Variants in NELL1 observed in about 807,000 individuals in gnomAD.
NELL1 encodes neural EGFL like 1, also known as protein kinase C-binding protein NELL1.
Under a neutral mutation model 107.4 loss-of-function variants are expected in NELL1, and 76 were observed. The ratio of observed to expected loss-of-function variants is 0.71; its 90% confidence interval spans 0.59 to 0.86. NELL1 has a LOEUF of 0.86. NELL1 is among the 40% of genes least tolerant of loss of function. The pLI is 0.00. For missense variants in NELL1, 1,024 were observed against 1,005.5 expected, an observed-to-expected ratio of 1.02 and a Z score of -0.25; for synonymous variants, 353 against 341.2, an observed-to-expected ratio of 1.03 and a Z score of -0.38.
At chr11:21,395,087 A>G (rs1391942011) in intron 15 of NELL1, among the ~76,000 whole-genome samples, 1 of 151,580 alleles carries the variant, frequency 6.6e-6, no homozygotes, top group African/African-American at 2.4e-5. Flanking sequence ...GCTAGCATGG[A>G]CAAATTACCT....
At chr11:20,843,636 A>G (rs1848656644) in intron 3 of NELL1, among the ~76,000 whole-genome samples, 1 of 147,430 alleles carries the variant, frequency 6.8e-6, no homozygotes, top group Non-Finnish European at 1.5e-5. Context: ...ATAAAATTTT[A>G]TTATAAATAT....
At chr11:21,519,961 T>C (rs1855676554) in intron 15 of NELL1, among the ~76,000 whole-genome samples, 1 of 152,084 alleles carries the variant, frequency 6.6e-6, no homozygotes, top group Non-Finnish European at 1.5e-5. Context: ...ATTTACCTTC[T>C]TGACAACAAT....
chr11:21,112,022 T>G (rs949534287), intron 12 of NELL1, among the ~76,000 whole-genome samples: 2 of 152,050 alleles, frequency 1.3e-5, no homozygotes, highest in Admixed American at 1.3e-4. Context: ...TTCCATCTCT[T>G]GGATTCCAGT....
At chr11:20,822,284 G>C (rs1226858906) in intron 3 of NELL1, among the ~76,000 whole-genome samples, 6 of 152,188 alleles carry the variant, frequency 3.9e-5, no homozygotes, top group Admixed American at 3.9e-4. Flanking sequence ...GACTCAGAGA[G>C]CACTTGGGTA....
intron 4 of NELL1, among the ~76,000 whole-genome samples, chr11:20,852,663 C>G (rs1348197952): frequency 6.6e-6 from 1 of 152,202 alleles, no homozygotes. Context: ...TCTCAGCTTT[C>G]AAGAGAGCCA....
At chr11:21,420,802 A>C (rs1428281414) in intron 15 of NELL1, among the ~76,000 whole-genome samples, 1 of 152,192 alleles carries the variant, frequency 6.6e-6, no homozygotes, top group Non-Finnish European at 1.5e-5. Context: ...AGTGTAAGAC[A>C]GTCTTCAAAA....
chr11:21,251,013 C>T (rs373525062), intron 14 of NELL1, among the ~76,000 whole-genome samples: 27 of 152,136 alleles, frequency 1.8e-4, no homozygotes, highest in Non-Finnish European at 2.8e-4. Flanking sequence ...TTTGAGTCCT[C>T]GGTTCTGAAT....
chr11:21,351,640 A>G (rs968511090), intron 14 of NELL1, among the ~76,000 whole-genome samples: 3 of 152,032 alleles, frequency 2.0e-5, no homozygotes, highest in Non-Finnish European at 4.4e-5. Flanking sequence ...TATGTGGTCT[A>G]CCTTCTGTGG....
intron 14 of NELL1, among the ~76,000 whole-genome samples, chr11:21,282,383 G>A (rs1023313840): frequency 6.6e-6 from 1 of 151,548 alleles, no homozygotes; most frequent in Non-Finnish European, 1.5e-5. Context: ...TTTAGGCTGA[G>A]GCACGGGAAT....
chr11:21,460,571 G>A (rs78410877), intron 15 of NELL1, among the ~76,000 whole-genome samples: 3,832 of 152,094 alleles, frequency 0.025, 170 homozygotes, highest in African/African-American at 0.085. Context: ...CTTGGTGTGG[G>A]GGAACTACTC....
intron 5 of NELL1, among the ~76,000 whole-genome samples, chr11:20,914,281 A>G (rs1362111114): frequency 6.6e-6 from 1 of 152,116 alleles, no homozygotes; most frequent in Non-Finnish European, 1.5e-5. Context: ...CTTGCTTTAT[A>G]CATCTTAGGG....
At chr11:20,985,796 G>A (rs747313943) in intron 12 of NELL1, among the ~76,000 whole-genome samples, 1 of 152,152 alleles carries the variant, frequency 6.6e-6, no homozygotes, top group Non-Finnish European at 1.5e-5. Flanking sequence ...TATAATTAGT[G>A]AAATTGTGCT....
intron 11 of NELL1, among the ~76,000 whole-genome samples, chr11:20,958,686 G>A (rs1241463759): frequency 1.3e-5 from 2 of 152,154 alleles, no homozygotes; most frequent in African/African-American, 4.8e-5. Flanking sequence ...AGATACTGAA[G>A]GAACTTCTAA....
At chr11:21,484,314 T>C (rs1854573186) in intron 15 of NELL1, among the ~76,000 whole-genome samples, 1 of 151,630 alleles carries the variant, frequency 6.6e-6, no homozygotes, top group Admixed American at 6.6e-5. Flanking sequence ...ACCACCACCA[T>C]TTTGGTGACC....
At chr11:21,355,903 G>T (rs1417225581) in intron 14 of NELL1, among the ~76,000 whole-genome samples, 1 of 152,076 alleles carries the variant, frequency 6.6e-6, no homozygotes, top group South Asian at 2.1e-4. Flanking sequence ...TACGTGATCT[G>T]CACACTTCAT....
At chr11:20,878,373 A>T (rs1849347031) in intron 4 of NELL1, among the ~76,000 whole-genome samples, 1 of 151,626 alleles carries the variant, frequency 6.6e-6, no homozygotes, top group African/African-American at 2.4e-5. Context: ...AAAAAAAAAA[A>T]AAAAAGATGC....
chr11:21,077,367 A>G (rs1854161346), intron 12 of NELL1, among the ~76,000 whole-genome samples: 1 of 152,180 alleles, frequency 6.6e-6, no homozygotes, highest in Non-Finnish European at 1.5e-5. Context: ...AAAAGCCAAT[A>G]AGCCATAAAA....
chr11:21,211,028 A>G (rs2133860294), intron 13 of NELL1, among the ~76,000 whole-genome samples: 1 of 152,306 alleles, frequency 6.6e-6, no homozygotes, highest in Middle Eastern at 3.4e-3. Flanking sequence ...TTAGAAGCCC[A>G]GCTATGGGCT....
intron 13 of NELL1, among the ~76,000 whole-genome samples, chr11:21,222,453 C>T (rs2133874380): frequency 6.6e-6 from 1 of 152,182 alleles, no homozygotes; most frequent in Non-Finnish European, 1.5e-5. Flanking sequence ...GCCTCGGCCT[C>T]CCAAAGTGCT....
Sources: gnomAD v4.1 joint callset for allele counts (sites outside exome capture counted in the v4.1 genomes callset) on GRCh38, gnomAD v4.1.1 for gene constraint, MANE v1.5 for transcripts, NCBI Gene and HGNC (gene_info 2026-07-23, HGNC 2026-07-21) for gene names.